NRCAM: variants seen among roughly 807,000 people sequenced by gnomAD.
NRCAM encodes neuronal cell adhesion molecule.
In NRCAM, 83 loss-of-function variants were observed where a neutral mutation model predicts 156.5. The ratio of observed to expected loss-of-function variants is 0.53; its 90% CI spans 0.44 to 0.64. NRCAM has a LOEUF of 0.64. Among genes scored for constraint, NRCAM ranks in the 30% least tolerant of loss-of-function variants. NRCAM has a pLI of 0.00. For synonymous variants in NRCAM, 538 were observed against 563.9 expected, an observed-to-expected ratio of 0.95 and a Z score of 0.65; for missense variants, 1,417 against 1,597.3, an observed-to-expected ratio of 0.89 and a Z score of 1.92.
rs1037005672 is a variant in NRCAM, at chr7:108,240,162, T to C, written c.-98A>G. The C allele has an allele frequency of 1.9e-5, 14 of 752,190 alleles. No individual in the cohort carries two copies. Among genetic ancestry groups the C allele is most frequent in the Admixed American group, 6.8e-5 (3 of 44,024 alleles). The allele number at this position is 752,190 out of a possible 1,614,324, so 46.6% of individuals were successfully genotyped here. On this transcript the variant is annotated 5_prime_UTR_variant, in exon 4 of 33. The change abolishes an upstream ATG in the 5' untranslated region. Transcript: ENST00000379028. ...GTGTGCAACGTTTAAGTAATTTTCA[T>C]GCGGGAAACTGAAAAAGGATAGAGT...
chr7:108,153,987 C>T (rs2043320259), intron 32 of NRCAM, among the ~76,000 whole-genome samples: 1 of 152,136 alleles, frequency 6.6e-6, no homozygotes, highest in Non-Finnish European at 1.5e-5. Context: ...AATATGTTAA[C>T]CTTCCCCATA....
chr7:108,334,930 G>A (rs192329518), intron 2 of NRCAM, among the ~76,000 whole-genome samples: 2 of 152,276 alleles, frequency 1.3e-5, no homozygotes, highest in Non-Finnish European at 2.9e-5. Context: ...TGACCATTTT[G>A]CTCTTTATAT....
chr7:108,443,019 G>A (rs948737662), intron 1 of NRCAM, among the ~76,000 whole-genome samples: 30 of 152,316 alleles, frequency 2.0e-4, no homozygotes, highest in African/African-American at 7.0e-4. Flanking sequence ...AGCACGGAAA[G>A]AACATATTCA....
intron 2 of NRCAM, among the ~76,000 whole-genome samples, chr7:108,377,238 G>A (rs1035734837): frequency 5.3e-5 from 8 of 152,070 alleles, no homozygotes; most frequent in African/African-American, 1.7e-4. Flanking sequence ...TTGAGCATTA[G>A]GAAATTTATA....
At chr7:108,232,269 T>C in intron 7 of NRCAM, 57 bp downstream of exon 7, 3 of 1,257,924 alleles carry the variant, frequency 2.4e-6, no homozygotes, top group Non-Finnish European at 3.3e-6. Context: ...TCACAGAAGC[T>C]GAGTCTTGGA....
chr7:108,251,348 AC>A (rs2096334571), intron 3 of NRCAM, among the ~76,000 whole-genome samples: 1 of 152,236 alleles, frequency 6.6e-6, no homozygotes. Flanking sequence ...TAAAATACTT[AC>A]AAAAATAATT....
chr7:108,350,550 G>A (rs566536738), intron 2 of NRCAM, among the ~76,000 whole-genome samples: 2 of 152,250 alleles, frequency 1.3e-5, no homozygotes, highest in East Asian at 3.9e-4. Flanking sequence ...ACCACCTCCC[G>A]AAGCTTGCAG....
In NRCAM at chr7:108,223,928, C is replaced by T. The variant is rs1448592237; in HGVS notation, c.779-92G>A. ...CAAAAAAGCTGTCTAAAATTCCAAT[C>T]CCTTTTTAAGCTATTTAACATTAAT... On this transcript the variant is annotated intron_variant, in intron 10 of 32. Coordinates refer to ENST00000379028, the MANE Select transcript of NRCAM (RefSeq NM_001037132.4). 153 of 688,824 alleles carry T rather than the reference C, an allele frequency of 2.2e-4. No individual in the cohort carries two copies. The East Asian group carries it at 4.1e-3, about 18-fold the overall frequency. The allele number at this position is 688,824 out of a possible 1,614,324, so 42.7% of individuals were successfully genotyped here. A position where few individuals can be genotyped will look rare whatever the true frequency, so the allele number is the denominator to read the frequency against.
intron 2 of NRCAM, among the ~76,000 whole-genome samples, chr7:108,339,337 C>T (rs2099247577): frequency 6.6e-6 from 1 of 152,168 alleles, no homozygotes; most frequent in African/African-American, 2.4e-5. Context: ...TTGGTCTCCC[C>T]AAACCTGCGA....
At chr7:108,398,720 G>A (rs1278173636) in intron 2 of NRCAM, among the ~76,000 whole-genome samples, 3 of 152,162 alleles carry the variant, frequency 2.0e-5, no homozygotes, top group African/African-American at 7.2e-5. Flanking sequence ...TCTGGCCCCA[G>A]ACTGCATTAG....
At chr7:108,299,816 C>T (rs187260742) in intron 3 of NRCAM, among the ~76,000 whole-genome samples, 8 of 152,270 alleles carry the variant, frequency 5.3e-5, no homozygotes, top group African/African-American at 1.7e-4. Context: ...GTCCAAGCAG[C>T]GATGTGGTGG....
chr7:108,425,459 G>C (rs2154444753), intron 1 of NRCAM, among the ~76,000 whole-genome samples: 1 of 152,174 alleles, frequency 6.6e-6, no homozygotes, highest in East Asian at 1.9e-4. Flanking sequence ...TTAAATCAGT[G>C]GGTTTTATAT....
intron 2 of NRCAM, among the ~76,000 whole-genome samples, chr7:108,349,825 T>C (rs62469223): frequency 0.29 from 44,563 of 152,042 alleles, 6,577 homozygotes; most frequent in Middle Eastern, 0.32. Flanking sequence ...ACCGAGGTCA[T>C]AGCGATCATT....
chr7:108,356,321 T>C (rs1258751473), intron 2 of NRCAM, among the ~76,000 whole-genome samples: 1 of 152,182 alleles, frequency 6.6e-6, no homozygotes, highest in Non-Finnish European at 1.5e-5. Flanking sequence ...ATAATTGTTC[T>C]ATTATTATTA....
chr7:108,434,260 C>A (rs992452302), intron 1 of NRCAM, among the ~76,000 whole-genome samples: 1 of 152,146 alleles, frequency 6.6e-6, no homozygotes, highest in Non-Finnish European at 1.5e-5. Flanking sequence ...CTTCACTGCA[C>A]CTGCCAAAGG....
chr7:108,327,107 T>G (rs1593516762), intron 2 of NRCAM, among the ~76,000 whole-genome samples: 1 of 152,320 alleles, frequency 6.6e-6, no homozygotes, highest in South Asian at 2.1e-4. Flanking sequence ...CCAAACAGTC[T>G]GATCTTTAAA....
At chr7:108,264,776 G>A (rs1467789794) in intron 3 of NRCAM, among the ~76,000 whole-genome samples, 1 of 152,166 alleles carries the variant, frequency 6.6e-6, no homozygotes, top group Non-Finnish European at 1.5e-5. Context: ...ATCAGAGCCT[G>A]TATCCAGTCT....
chr7:108,259,178 G>A (rs914077571), intron 3 of NRCAM, among the ~76,000 whole-genome samples: 7 of 152,120 alleles, frequency 4.6e-5, no homozygotes, highest in Non-Finnish European at 7.3e-5. Context: ...TAAAGAACTC[G>A]TGTACTTTTA....
At chr7:108,234,745 A>T in intron 5 of NRCAM, 57 bp from the exon 6 acceptor site, 1 of 1,209,274 alleles carries the variant, frequency 8.3e-7, no homozygotes, top group Non-Finnish European at 1.2e-6. Flanking sequence ...TCATAATAGT[A>T]GCCATTTTTT....
Sources: allele counts gnomAD v4.1 joint callset (sites outside exome capture counted in the v4.1 genomes callset), GRCh38; gene constraint gnomAD v4.1.1; transcripts MANE v1.5; gene names NCBI Gene and HGNC (gene_info 2026-07-23, HGNC 2026-07-21).